Variants in NTNG1 observed in about 807,000 individuals in gnomAD.
NTNG1 encodes the protein netrin-G1.
Under a neutral mutation model 54.0 loss-of-function variants are expected in NTNG1, and 16 were observed. That is an observed-to-expected ratio of 0.30 (90% CI 0.20 to 0.45). NTNG1 has a LOEUF of 0.45. Ranked by LOEUF, NTNG1 falls within the 20% of genes least tolerant of loss-of-function variation. The pLI, the probability that NTNG1 is intolerant of heterozygous loss-of-function variation, is 1.00. For missense variants in NTNG1, 530 were observed against 678.7 expected (o/e 0.78, Z 2.43); for synonymous variants, 255 against 263.1 (o/e 0.97, Z 0.30).
intron 2 of NTNG1, among the ~76,000 whole-genome samples, chr1:107,281,293 TCA>T (rs1244814186): frequency 1.3e-5 from 2 of 152,116 alleles, no homozygotes; most frequent in Non-Finnish European, 2.9e-5. Flanking sequence ...ATGACCAGCC[TCA>T]GTCTGCTATC....
chr1:107,210,852 G>T (rs910785807), intron 2 of NTNG1, among the ~76,000 whole-genome samples: 4 of 152,118 alleles, frequency 2.6e-5, no homozygotes, highest in Middle Eastern at 3.2e-3. Context: ...AGACAGAGCA[G>T]TTCCTTCCAT....
chr1:107,227,690 A>G (rs112128707), intron 2 of NTNG1, among the ~76,000 whole-genome samples: 1 of 142,618 alleles, frequency 7.0e-6, no homozygotes, highest in African/African-American at 2.8e-5. Flanking sequence ...TCTCTCTCTC[A>G]CACACACACA....
chr1:107,376,595 C>T (rs1671278085), intron 3 of NTNG1, among the ~76,000 whole-genome samples: 1 of 152,258 alleles, frequency 6.6e-6, no homozygotes, highest in African/African-American at 2.4e-5. Flanking sequence ...CACCTTATGC[C>T]CAGGCTCCCT....
At chr1:107,452,537 T>G (rs992194400) in intron 7 of NTNG1, among the ~76,000 whole-genome samples, 23 of 152,164 alleles carry the variant, frequency 1.5e-4, no homozygotes, top group African/African-American at 5.5e-4. Context: ...GTTTGGGTCA[T>G]GGGGGTAGAT....
At chr1:107,352,849 G>T (rs908260631) in intron 3 of NTNG1, among the ~76,000 whole-genome samples, 1 of 152,222 alleles carries the variant, frequency 6.6e-6, no homozygotes, top group Non-Finnish European at 1.5e-5. Context: ...CAAGGCTTAT[G>T]GTTTGCACCC....
At chr1:107,439,620 A>T (rs1225684977) in intron 7 of NTNG1, among the ~76,000 whole-genome samples, 2 of 152,086 alleles carry the variant, frequency 1.3e-5, no homozygotes, top group Admixed American at 6.6e-5. Flanking sequence ...CTCACTCTGA[A>T]ATCTTTGTTC....
chr1:107,208,122 A>G (rs944615444), intron 2 of NTNG1, among the ~76,000 whole-genome samples: 32 of 152,134 alleles, frequency 2.1e-4, no homozygotes, highest in Non-Finnish European at 8.8e-5. Flanking sequence ...TTAAGTTCAT[A>G]TCTGATTCAT....
At chr1:107,236,631 G>A (rs760682324) in intron 2 of NTNG1, among the ~76,000 whole-genome samples, 17 of 152,200 alleles carry the variant, frequency 1.1e-4, no homozygotes, top group Non-Finnish European at 2.2e-4. Flanking sequence ...CAATTCCCAT[G>A]TGTTGTGGGA....
chr1:107,296,568 A>G (rs1265381537), intron 2 of NTNG1, among the ~76,000 whole-genome samples: 1 of 149,178 alleles, frequency 6.7e-6, no homozygotes, highest in Non-Finnish European at 1.5e-5. Flanking sequence ...ATAAATATAT[A>G]CTACACATAA....
intron 7 of NTNG1, among the ~76,000 whole-genome samples, chr1:107,446,906 C>T (rs886539068): frequency 6.6e-5 from 10 of 152,038 alleles, no homozygotes; most frequent in Non-Finnish European, 1.2e-4. Flanking sequence ...TTTAGACTTA[C>T]GCACAGTTCA....
chr1:107,332,895 T>C (rs1668366810), intron 3 of NTNG1, among the ~76,000 whole-genome samples: 1 of 152,022 alleles, frequency 6.6e-6, no homozygotes, highest in Non-Finnish European at 1.5e-5. Flanking sequence ...GTAGGAAAAC[T>C]ACATCTAAAC....
intron 2 of NTNG1, among the ~76,000 whole-genome samples, chr1:107,219,126 TG>T (rs67835374): frequency 0.01 from 1,352 of 131,064 alleles, 9 homozygotes; most frequent in South Asian, 0.026. Context: ...TTTTTTTTTT[TG>T]TCTTTAATAG....
chr1:107,144,057 G>C (rs1368473074), intron 1 of NTNG1, among the ~76,000 whole-genome samples: 1 of 152,044 alleles, frequency 6.6e-6, no homozygotes, highest in Non-Finnish European at 1.5e-5. Flanking sequence ...TATTTTGAGA[G>C]ACAGTTAACA....
chr1:107,141,876 T>C (rs972298781), intron 1 of NTNG1, among the ~76,000 whole-genome samples: 3 of 152,140 alleles, frequency 2.0e-5, no homozygotes, highest in Non-Finnish European at 4.4e-5. Flanking sequence ...TATATTTGTT[T>C]GGGGAAAAGC....
At chr1:107,299,270 A>T (rs1666177121) in intron 2 of NTNG1, among the ~76,000 whole-genome samples, 1 of 152,150 alleles carries the variant, frequency 6.6e-6, no homozygotes. Context: ...TATGAACAAG[A>T]GTGGTGTCTG....
intron 2 of NTNG1, among the ~76,000 whole-genome samples, chr1:107,246,334 T>A (rs1201259370): frequency 1.3e-5 from 2 of 152,062 alleles, no homozygotes; most frequent in Non-Finnish European, 2.9e-5. Context: ...ATTACAGGCT[T>A]GAGTTTATTT....
At chr1:107,251,795 T>A (rs1368541584) in intron 2 of NTNG1, among the ~76,000 whole-genome samples, 1 of 152,172 alleles carries the variant, frequency 6.6e-6, no homozygotes, top group African/African-American at 2.4e-5. Flanking sequence ...CACTGACCTC[T>A]CCAGTTTCTC....
intron 4 of NTNG1, 46 bp downstream of exon 4, chr1:107,395,372 T>A (rs1672622626): frequency 1.3e-6 from 2 of 1,505,350 alleles, no homozygotes; most frequent in Admixed American, 3.3e-5. Context: ...CACCATGAGG[T>A]GATAGTTCCT....
chr1:107,317,627 T>A (rs1236106300), intron 2 of NTNG1, among the ~76,000 whole-genome samples: 1 of 152,218 alleles, frequency 6.6e-6, no homozygotes, highest in Non-Finnish European at 1.5e-5. Flanking sequence ...GTTTGAAAAT[T>A]CCAACCATAA....
Sources: allele counts gnomAD v4.1 joint callset (sites outside exome capture counted in the v4.1 genomes callset), GRCh38; gene constraint gnomAD v4.1.1; transcripts MANE v1.5; gene names NCBI Gene and HGNC (gene_info 2026-07-23, HGNC 2026-07-21).